The following PTPRD variants were observed in gnomAD, a reference collection of about 807,000 sequenced individuals.
PTPRD encodes receptor-type tyrosine-protein phosphatase delta.
Under a neutral mutation model 214.5 loss-of-function variants are expected in PTPRD, and 34 were observed. The ratio of observed to expected loss-of-function variants is 0.16; its 90% CI spans 0.12 to 0.21. PTPRD has a LOEUF of 0.21. PTPRD is among the 10% of genes least tolerant of loss of function. PTPRD has a pLI of 1.00. For missense variants in PTPRD, 2,545 were observed against 2,398.7 expected (o/e 1.06, Z -1.27); for synonymous variants, 1,128 against 845.7 (o/e 1.33, Z -5.79).
chr9:8,379,316 T>C (rs2084226657), intron 37 of PTPRD, among the ~76,000 whole-genome samples: 1 of 152,122 alleles, frequency 6.6e-6, no homozygotes, highest in Admixed American at 6.6e-5. Flanking sequence ...CAGCAATACA[T>C]TTTTCCCTTT....
intron 3 of PTPRD, among the ~76,000 whole-genome samples, chr9:10,109,968 GA>G (rs370724322): frequency 0.068 from 9,232 of 135,492 alleles, 359 homozygotes; most frequent in Admixed American, 0.11. Flanking sequence ...ATGCCAAAAA[GA>G]AAAAAAAAAA....
chr9:9,946,330 A>G (rs1365243762), intron 4 of PTPRD, among the ~76,000 whole-genome samples: 3 of 152,192 alleles, frequency 2.0e-5, no homozygotes, highest in Non-Finnish European at 4.4e-5. Context: ...TCATGTTACA[A>G]TAAGTATAAC....
intron 11 of PTPRD, among the ~76,000 whole-genome samples, chr9:8,871,707 CA>C (rs2098301933): frequency 6.6e-6 from 1 of 152,004 alleles, no homozygotes; most frequent in African/African-American, 2.4e-5. Context: ...AAAACTTTAC[CA>C]ATGAGAAAGA....
In PTPRD at chr9:8,470,990, G is replaced by C. The variant is rs2134931887; in HGVS notation, c.3504+5C>G. 6.2e-7 allele frequency: 1 copy of C among 1,609,530 alleles called. No homozygotes were observed. The highest frequency in any genetic ancestry group is 8.5e-7 in the Non-Finnish European group (1 of 1,176,120). ...AAAAGACATGGCCAACAATGACACA[G>C]TTACCTCATCTAATTCCATTTCATC... On this transcript the variant is annotated splice_donor_5th_base_variant and intron_variant, in intron 31 of 45. Transcript: ENST00000381196.
chr9:9,594,704 A>G (rs916433382), intron 7 of PTPRD, among the ~76,000 whole-genome samples: 1 of 152,078 alleles, frequency 6.6e-6, no homozygotes, highest in Non-Finnish European at 1.5e-5. Flanking sequence ...AGGTAATGTG[A>G]TGCCTCTAGA....
intron 11 of PTPRD, among the ~76,000 whole-genome samples, chr9:8,929,549 G>A (rs530133768): frequency 1.2e-4 from 18 of 151,802 alleles, no homozygotes; most frequent in South Asian, 2.1e-4. Context: ...CGACTTGATC[G>A]TGGTAGATAA....
chr9:8,667,302 G>A (rs189657106), intron 12 of PTPRD, among the ~76,000 whole-genome samples: 37 of 152,292 alleles, frequency 2.4e-4, no homozygotes, highest in African/African-American at 8.9e-4. Context: ...TCATGCCATT[G>A]CACTCCAGCC....
At chr9:9,740,053 G>A (rs1168243474) in intron 6 of PTPRD, among the ~76,000 whole-genome samples, 1 of 152,004 alleles carries the variant, frequency 6.6e-6, no homozygotes, top group African/African-American at 2.4e-5. Context: ...TGAATGTATT[G>A]AAACTTGCCT....
Position 8,317,840 on chromosome 9 carries a change from C to A in PTPRD, c.*34G>T, listed in dbSNP as rs201687555. The A allele has an allele frequency of 3.1e-6, 5 of 1,597,002 alleles. No homozygotes were observed. The highest frequency in any genetic ancestry group is 2.2e-5 in the East Asian group (1 of 44,732). ...AAGAGACTCCATGGATATTGAAGGG[C>A]CTGTAGTAAAAATCCAGAATGGGTC... On this transcript the variant is annotated 3_prime_UTR_variant, in exon 46 of 46. Coordinates refer to ENST00000381196, the MANE Select transcript of PTPRD (RefSeq NM_002839.4).
intron 3 of PTPRD, among the ~76,000 whole-genome samples, chr9:10,162,025 T>TA (rs889545331): frequency 2.6e-5 from 4 of 151,500 alleles, no homozygotes; most frequent in African/African-American, 7.3e-5. Context: ...ATGGTATTTA[T>TA]AAAAAAATAA....
chr9:9,330,202 C>T (rs2136478401), intron 9 of PTPRD, among the ~76,000 whole-genome samples: 1 of 152,234 alleles, frequency 6.6e-6, no homozygotes, highest in East Asian at 1.9e-4. Flanking sequence ...ACCCAAAATA[C>T]ATGTTCATTC....
chr9:9,375,274 G>A lies in PTPRD; in HGVS notation c.-203+22175C>T, dbSNP rs148052826. Among the ~76,000 whole-genome samples, 452 of 152,208 alleles carry A rather than the reference G, an allele frequency of 3.0e-3. 2 individuals carry two copies. Among genetic ancestry groups the A allele is most frequent in the African/African-American group, 0.01 (426 of 41,540 alleles). On this transcript the variant is annotated intron_variant, in intron 9 of 45. Transcript: ENST00000381196. ...AATAAGTGAATGAAATGTTGTGCAG[G>A]TATCCAACAAAATATGATTCTGCCT...
At chr9:8,934,465 A>ATG (rs1491357158) in intron 11 of PTPRD, among the ~76,000 whole-genome samples, 5 of 7,590 alleles carry the variant, frequency 6.6e-4, no homozygotes, top group Non-Finnish European at 2.5e-4. Flanking sequence ...ATATATATAA[A>ATG]TATATATATA....
At chr9:9,053,163 A>C (rs2099689642) in intron 10 of PTPRD, among the ~76,000 whole-genome samples, 1 of 152,114 alleles carries the variant, frequency 6.6e-6, no homozygotes, top group African/African-American at 2.4e-5. Context: ...ATGTTTGCAA[A>C]ATGTTTGAAT....
intron 2 of PTPRD, among the ~76,000 whole-genome samples, chr9:10,359,904 G>A (rs926961451): frequency 2.0e-5 from 3 of 152,068 alleles, no homozygotes; most frequent in Non-Finnish European, 2.9e-5. Flanking sequence ...ACAGGCTGTT[G>A]GAATAATTTG....
chr9:8,323,184 G>T (rs1017076128), intron 44 of PTPRD, among the ~76,000 whole-genome samples: 3 of 152,098 alleles, frequency 2.0e-5, no homozygotes, highest in African/African-American at 7.2e-5. Context: ...CTACTGCTTA[G>T]AATAAAAGAT....
chr9:8,622,420 G>A (rs907416866), intron 14 of PTPRD, among the ~76,000 whole-genome samples: 3 of 151,922 alleles, frequency 2.0e-5, no homozygotes, highest in Non-Finnish European at 2.9e-5. Context: ...GGAGACATTA[G>A]TTCTTACGGC....
At chr9:8,842,986 G>A (rs1409535840) in intron 11 of PTPRD, among the ~76,000 whole-genome samples, 2 of 152,104 alleles carry the variant, frequency 1.3e-5, no homozygotes, top group Non-Finnish European at 2.9e-5. Context: ...GACCCATTAA[G>A]AACATCCCCA....
chr9:9,151,934 G>A (rs980392336), intron 10 of PTPRD, among the ~76,000 whole-genome samples: 2 of 152,230 alleles, frequency 1.3e-5, no homozygotes, highest in Non-Finnish European at 2.9e-5. Context: ...TGACCTACCT[G>A]TGAGAGTAAC....
Sources: gnomAD v4.1 joint callset for allele counts (sites outside exome capture counted in the v4.1 genomes callset) on GRCh38, gnomAD v4.1.1 for gene constraint, MANE v1.5 for transcripts, NCBI Gene and HGNC (gene_info 2026-07-23, HGNC 2026-07-21) for gene names.